Variants in CTNNA1 observed in about 807,000 individuals in gnomAD.
The protein encoded by CTNNA1 is catenin alpha-1.
CTNNA1 carries 37 observed loss-of-function variants against 98.4 expected under a neutral mutation model. The ratio of observed to expected loss-of-function variants is 0.38; its 90% CI spans 0.29 to 0.49. The LOEUF is 0.49. CTNNA1 is among the 20% of genes least tolerant of loss of function. The pLI, the probability that CTNNA1 is intolerant of heterozygous loss-of-function variation, is 0.95. For synonymous variants in CTNNA1, 404 were observed against 413.2 expected, an observed-to-expected ratio of 0.98 and a Z score of 0.27; for missense variants, 761 against 1,147.2, an observed-to-expected ratio of 0.66 and a Z score of 4.86.
At chr5:138,838,352 G>A (rs577088742) in intron 7 of CTNNA1, among the ~76,000 whole-genome samples, 231 of 152,250 alleles carry the variant, frequency 1.5e-3, no homozygotes, top group African/African-American at 5.4e-3. Context: ...GATTTTGTAC[G>A]CATGGAGATG....
chr5:138,757,940 A>G (rs922155400), intron 1 of CTNNA1, among the ~76,000 whole-genome samples: 12 of 152,166 alleles, frequency 7.9e-5, no homozygotes, highest in African/African-American at 2.7e-4. Context: ...TGCCACCCAG[A>G]TCTAATCACT....
rs780078260 is a variant in CTNNA1 at position 138,783,244 on chromosome 5, C to T, written c.173C>T (p.Ala58Val). The change falls in exon 3 of 18, where the codon GCC (alanine) becomes GTC (valine). Residue 58 changes from alanine (A) to valine (V), a missense_variant. Ala to Val is a moderately conservative substitution (Grantham distance 64). This residue lies in a region of CTNNA1 where 328 missense variants were observed against 354.3 expected (regional missense o/e 0.93). Coordinates refer to ENST00000302763, the MANE Select transcript of CTNNA1 (RefSeq NM_001903.5). ...AAGAAGAGAGGTCGTTCTAAGAAGGCCCATGTTTTGGCTGCATCTGTTGAA... is the reference window on the plus strand; with the variant it reads ...AAGAAGAGAGGTCGTTCTAAGAAGGTCCATGTTTTGGCTGCATCTGTTGAA... Reference protein sequence around the residue: ...SNKKRGRSKKAHVLAASVEQA... With the variant: ...SNKKRGRSKKVHVLAASVEQA... 1.1e-5 allele frequency: 18 copies of T among 1,614,050 alleles called. No individual in the cohort carries two copies. Among genetic ancestry groups the T allele is most frequent in the Non-Finnish European group, 1.5e-5 (18 of 1,179,966 alleles).
At chr5:138,844,318 C>G (rs1026009755) in intron 7 of CTNNA1, among the ~76,000 whole-genome samples, 12 of 152,228 alleles carry the variant, frequency 7.9e-5, no homozygotes, top group Admixed American at 6.5e-4. Context: ...TTTTAAAGTT[C>G]TGTCTTGTAT....
intron 5 of CTNNA1, among the ~76,000 whole-genome samples, chr5:138,819,344 C>T (rs1274012585): frequency 6.6e-6 from 1 of 152,182 alleles, no homozygotes; most frequent in African/African-American, 2.4e-5. Flanking sequence ...GATTACTCTA[C>T]TCTGCAAGGA....
At chr5:138,901,452 AC>A (rs1398808038) in intron 9 of CTNNA1, among the ~76,000 whole-genome samples, 1 of 151,614 alleles carries the variant, frequency 6.6e-6, no homozygotes, top group African/African-American at 2.4e-5. Flanking sequence ...GAGCCACCAC[AC>A]CCAGCCTCTT....
intron 11 of CTNNA1, among the ~76,000 whole-genome samples, chr5:138,921,041 AG>A (rs1762818139): frequency 6.6e-6 from 1 of 152,256 alleles, no homozygotes; most frequent in African/African-American, 2.4e-5. Flanking sequence ...TCCAGGGAGG[AG>A]GGGTAGGGTC....
intron 10 of CTNNA1, among the ~76,000 whole-genome samples, chr5:138,915,591 A>G (rs1323886807): frequency 6.6e-6 from 1 of 152,250 alleles, no homozygotes; most frequent in Non-Finnish European, 1.5e-5. Flanking sequence ...AGAAGTAAAA[A>G]CACAGAAACG....
chr5:138,917,994 G>T lies in CTNNA1; in HGVS notation c.1546+96G>T, dbSNP rs1463051208. 9 of 1,234,096 alleles carry T rather than the reference G, an allele frequency of 7.3e-6. No individual in the cohort carries two copies. In the African/African-American group the frequency reaches 1.2e-4, roughly 17 times the overall value. The allele number at this position is 1,234,096 out of a possible 1,614,324, so 76.4% of individuals were successfully genotyped here. A position where few individuals can be genotyped will look rare whatever the true frequency, so the allele number is the denominator to read the frequency against. The stretch of plus-strand genomic sequence containing the variant: ...GGCAAACACTGCTATGTCTTGGCAG[G>T]TAAATTATTCTAACAATAATATTGT... On this transcript the variant is annotated intron_variant, in intron 11 of 17. Coordinates refer to ENST00000302763, the MANE Select transcript of CTNNA1 (RefSeq NM_001903.5).
chr5:138,780,026 T>C (rs965154278), intron 1 of CTNNA1, among the ~76,000 whole-genome samples: 1 of 152,190 alleles, frequency 6.6e-6, no homozygotes, highest in African/African-American at 2.4e-5. Context: ...ATCTGTTGTT[T>C]GAAATTTAGG....
intron 7 of CTNNA1, among the ~76,000 whole-genome samples, chr5:138,830,930 CT>C (rs1224113520): frequency 6.6e-6 from 1 of 152,056 alleles, no homozygotes; most frequent in Non-Finnish European, 1.5e-5. Context: ...ATTTTGTAAT[CT>C]TTTGGTTAAC....
chr5:138,813,581 C>T (rs1383234636), intron 5 of CTNNA1, among the ~76,000 whole-genome samples: 2 of 152,246 alleles, frequency 1.3e-5, no homozygotes, highest in Middle Eastern at 6.8e-3. Context: ...GCTATGACTG[C>T]TATAGACTTT....
chr5:138,921,352 AT>A (rs1318529565), intron 11 of CTNNA1, among the ~76,000 whole-genome samples: 1 of 152,142 alleles, frequency 6.6e-6, no homozygotes, highest in Non-Finnish European at 1.5e-5. Context: ...GGTTTATTAA[AT>A]TTTTTACTAA....
chr5:138,896,665 G>T (rs1352358533), intron 9 of CTNNA1, among the ~76,000 whole-genome samples: 1 of 152,192 alleles, frequency 6.6e-6, no homozygotes, highest in Non-Finnish European at 1.5e-5. Flanking sequence ...TTCTGTTCTG[G>T]AGTGTAGCAT....
At chr5:138,919,556 A>G (rs375878370) in intron 11 of CTNNA1, among the ~76,000 whole-genome samples, 31 of 152,384 alleles carry the variant, frequency 2.0e-4, no homozygotes, top group Admixed American at 6.5e-4. Context: ...AGAGAAATCA[A>G]ATTCTTTTAA....
intron 9 of CTNNA1, among the ~76,000 whole-genome samples, chr5:138,894,531 C>A (rs1014598128): frequency 6.6e-6 from 1 of 151,954 alleles, no homozygotes; most frequent in Non-Finnish European, 1.5e-5. Flanking sequence ...CCTTGGCCTC[C>A]CAAAGTGCTG....
intron 4 of CTNNA1, among the ~76,000 whole-genome samples, chr5:138,811,196 C>T (rs1485497614): frequency 6.7e-6 from 1 of 149,654 alleles, no homozygotes; most frequent in African/African-American, 2.5e-5. Context: ...CCTCACTTCT[C>T]AGACGGGGCG....
At chr5:138,767,413 C>CGGA (rs1222411238) in intron 1 of CTNNA1, among the ~76,000 whole-genome samples, 3 of 152,040 alleles carry the variant, frequency 2.0e-5, no homozygotes, top group Non-Finnish European at 4.4e-5. Flanking sequence ...CTGTGGTTGC[C>CGGA]GGAAGGTGCT....
chr5:138,868,370 C>A (rs1360182222), intron 7 of CTNNA1, among the ~76,000 whole-genome samples: 1 of 152,180 alleles, frequency 6.6e-6, no homozygotes, highest in Non-Finnish European at 1.5e-5. Flanking sequence ...CTCACTGAGT[C>A]GTCATCCAGG....
At chr5:138,771,672 T>C (rs1419811264) in intron 1 of CTNNA1, among the ~76,000 whole-genome samples, 1 of 152,018 alleles carries the variant, frequency 6.6e-6, no homozygotes, top group East Asian at 1.9e-4. Context: ...CAAGTCAGAG[T>C]GTGTCTTAAT....
Sources: gnomAD v4.1 joint callset for allele counts (sites outside exome capture counted in the v4.1 genomes callset) on GRCh38, gnomAD v4.1.1 for gene constraint, gnomAD v4.1.1 regional missense constraint, MANE v1.5 for transcripts, NCBI Gene and HGNC (gene_info 2026-07-23, HGNC 2026-07-21) for gene names.